VPS13B: variants seen among roughly 807,000 people sequenced by gnomAD.
VPS13B encodes vacuolar protein sorting 13 homolog B, also known as intermembrane lipid transfer protein VPS13B.
A neutral mutation model predicts 426.4 loss-of-function variants in VPS13B; 285 were observed. The ratio of observed to expected loss-of-function variants is 0.67; its 90% CI spans 0.61 to 0.74. The LOEUF (loss-of-function observed/expected upper bound fraction) is 0.74, where lower values mean the gene tolerates loss of function less well. Ranked by LOEUF, VPS13B falls within the 30% of genes least tolerant of loss-of-function variation. The pLI is 0.00. For missense variants in VPS13B, 4,537 were observed against 4,782.6 expected, an observed-to-expected ratio of 0.95 and a Z score of 1.51; for synonymous variants, 1,676 against 1,676.4, an observed-to-expected ratio of 1.00 and a Z score of 0.01.
At chr8:99,171,265 A>G (rs1412230008) in intron 16 of VPS13B, among the ~76,000 whole-genome samples, 4 of 152,006 alleles carry the variant, frequency 2.6e-5, no homozygotes, top group East Asian at 3.9e-4. Flanking sequence ...ATTAGCATAC[A>G]TGGTATGTTG....
At chr8:99,810,423 A>G (rs1250721991) in intron 44 of VPS13B, among the ~76,000 whole-genome samples, 2 of 152,222 alleles carry the variant, frequency 1.3e-5, no homozygotes, top group Non-Finnish European at 2.9e-5. Context: ...AGCAGGGGCT[A>G]TTCTGTTGCT....
At chr8:99,465,931 T>C (rs190571021) in intron 23 of VPS13B, among the ~76,000 whole-genome samples, 6 of 152,264 alleles carry the variant, frequency 3.9e-5, no homozygotes, top group Admixed American at 3.9e-4. Context: ...TTTCTAATTT[T>C]ATAATAATTT....
chr8:99,538,449 G>A (rs866252202), intron 30 of VPS13B, among the ~76,000 whole-genome samples: 1 of 151,748 alleles, frequency 6.6e-6, no homozygotes, highest in Non-Finnish European at 1.5e-5. Context: ...TAGTCATTTA[G>A]CACTTGACAA....
In VPS13B at chr8:99,697,219, A is replaced by G. The variant is rs551218108; in HGVS notation, c.6047-2306A>G. The G allele has an allele frequency of 3.5e-4, 200 of 570,708 alleles. 2 individuals carry two copies. Among genetic ancestry groups the G allele is most frequent in the South Asian group, 3.4e-3 (183 of 53,140 alleles). 35.4% of individuals were successfully genotyped at this position (570,708 alleles called of 1,614,324 possible). ...GAGGGTGGGCAAGTGCACAAGGTAAAGCTGGAGGTCACGCTGCAGGAGGAG... is the reference window on the plus strand; with the variant it reads ...GAGGGTGGGCAAGTGCACAAGGTAAGGCTGGAGGTCACGCTGCAGGAGGAG... On this transcript the variant is annotated intron_variant, in intron 35 of 61. Coordinates refer to ENST00000357162, the MANE Select transcript of VPS13B (RefSeq NM_152564.5).
chr8:99,480,328 T>G (rs1434433636), intron 24 of VPS13B, among the ~76,000 whole-genome samples: 1 of 152,210 alleles, frequency 6.6e-6, no homozygotes, highest in African/African-American at 2.4e-5. Flanking sequence ...CACAGTATTT[T>G]CTAACACTTA....
At chr8:99,228,258 T>A (rs904008711) in intron 17 of VPS13B, among the ~76,000 whole-genome samples, 1 of 152,214 alleles carries the variant, frequency 6.6e-6, no homozygotes, top group Non-Finnish European at 1.5e-5. Flanking sequence ...TTACTTTTAT[T>A]TTGTGCTTAT....
chr8:99,422,873 A>T (rs1364156895), intron 21 of VPS13B, among the ~76,000 whole-genome samples: 1 of 152,200 alleles, frequency 6.6e-6, no homozygotes, highest in Non-Finnish European at 1.5e-5. Flanking sequence ...TATGTGTGGG[A>T]AGATAAATAC....
intron 16 of VPS13B, among the ~76,000 whole-genome samples, chr8:99,171,188 T>G (rs1812309777): frequency 6.6e-6 from 1 of 151,940 alleles, no homozygotes; most frequent in Non-Finnish European, 1.5e-5. Context: ...AATTTCATTT[T>G]GTCCTTACTC....
At chr8:99,662,859 C>T (rs1830295075) in intron 35 of VPS13B, among the ~76,000 whole-genome samples, 1 of 151,986 alleles carries the variant, frequency 6.6e-6, no homozygotes, top group South Asian at 2.1e-4. Context: ...CCAGCCTAGC[C>T]AACATGGTGA....
At chr8:99,751,449 T>G (rs1449789) in intron 39 of VPS13B, among the ~76,000 whole-genome samples, 139,300 of 152,202 alleles carry the variant, frequency 0.92, 63,800 homozygotes, top group South Asian at 0.98. Context: ...AAGAAAATGC[T>G]TATATTTTTA....
chr8:99,377,478 G>GT (rs1387742885), intron 19 of VPS13B, among the ~76,000 whole-genome samples: 2 of 152,122 alleles, frequency 1.3e-5, no homozygotes, highest in African/African-American at 4.8e-5. Context: ...TGTTTAGTGA[G>GT]TTTTGTACTT....
intron 49 of VPS13B, 122 bp from the exon 50 acceptor site, chr8:99,821,172 G>C (rs1180435548): frequency 1.5e-6 from 1 of 654,416 alleles, no homozygotes; most frequent in African/African-American, 2.2e-5. Context: ...ACACACCATG[G>C]AGGGATATTT....
intron 33 of VPS13B, among the ~76,000 whole-genome samples, chr8:99,629,681 G>A (rs1828760287): frequency 6.6e-6 from 1 of 152,160 alleles, no homozygotes; most frequent in Admixed American, 6.6e-5. Context: ...GAGCAGTGAG[G>A]TGTGGGTTAA....
intron 35 of VPS13B, among the ~76,000 whole-genome samples, chr8:99,694,920 T>G (rs1563867382): frequency 6.6e-6 from 1 of 151,974 alleles, no homozygotes; most frequent in Non-Finnish European, 1.5e-5. Context: ...AAGAAGACAC[T>G]TATGCAGCCA....
chr8:99,854,742 C>T (rs1816462857), intron 56 of VPS13B, among the ~76,000 whole-genome samples: 1 of 152,192 alleles, frequency 6.6e-6, no homozygotes, highest in Admixed American at 6.5e-5. Flanking sequence ...TTCTTCATTG[C>T]TATTTATGAA....
At chr8:99,093,386 A>AT (rs1490213627) in intron 3 of VPS13B, among the ~76,000 whole-genome samples, 3 of 150,844 alleles carry the variant, frequency 2.0e-5, no homozygotes, top group East Asian at 3.9e-4. Flanking sequence ...TTATTTATTT[A>AT]TTATTATTAT....
chr8:99,544,595 G>T (rs1388055054), intron 30 of VPS13B, among the ~76,000 whole-genome samples: 1 of 152,062 alleles, frequency 6.6e-6, no homozygotes, highest in Non-Finnish European at 1.5e-5. Context: ...TGATTGAATT[G>T]TGGAAAGAAT....
In VPS13B at chr8:99,828,397, T is replaced by G. The variant is rs1249914588; in HGVS notation, c.9331-3972T>G. On this transcript the variant is annotated intron_variant, in intron 51 of 61. Transcript: ENST00000357162. ...AGAGACTAGGATTACAACCACCGTT[T>G]TTTTTTTTTTTTTTTTTTTTTTTTT... is the stretch of plus-strand genomic sequence containing the variant. Among the ~76,000 whole-genome samples the G allele has an allele frequency of 1.1e-3, 36 of 33,940 alleles. 2 individuals are homozygous for G. The highest frequency in any genetic ancestry group is 2.4e-3 in the East Asian group (2 of 846). The allele number at this position is 33,940 out of a possible 152,430, so 22.3% of individuals were successfully genotyped here.
chr8:99,800,393 T>C (rs1813062331), intron 43 of VPS13B, among the ~76,000 whole-genome samples: 1 of 152,150 alleles, frequency 6.6e-6, no homozygotes, highest in Non-Finnish European at 1.5e-5. Flanking sequence ...AAACAATAGA[T>C]ATGTATAATG....
Sources: allele counts gnomAD v4.1 joint callset (sites outside exome capture counted in the v4.1 genomes callset), GRCh38; gene constraint gnomAD v4.1.1; transcripts MANE v1.5; gene names NCBI Gene and HGNC (gene_info 2026-07-23, HGNC 2026-07-21).